EFCAB5: variants seen among roughly 807,000 people sequenced by gnomAD.
The protein encoded by EFCAB5 is EF-hand calcium binding domain 5.
EFCAB5 carries 131 observed loss-of-function variants against 167.9 expected under a neutral mutation model. That is an observed-to-expected ratio of 0.78 (90% CI 0.68 to 0.90). The LOEUF is 0.90. EFCAB5 is among the 40% of genes least tolerant of loss of function. EFCAB5 has a pLI of 0.00. For missense variants in EFCAB5, 1,663 were observed against 1,745.2 expected (o/e 0.95, Z 0.84); for synonymous variants, 574 against 602.8 (o/e 0.95, Z 0.70).
chr17:30,005,287 G>A (rs1392984650), intron 7 of EFCAB5, among the ~76,000 whole-genome samples: 2 of 152,098 alleles, frequency 1.3e-5, no homozygotes, highest in African/African-American at 4.8e-5. Context: ...GCTGCAGTGA[G>A]CTATAATCAA....
At chr17:30,008,836 A>C (rs1750897281) in intron 7 of EFCAB5, among the ~76,000 whole-genome samples, 1 of 152,140 alleles carries the variant, frequency 6.6e-6, no homozygotes, top group Admixed American at 6.5e-5. Context: ...TTGGTTGCTG[A>C]AAACAGCAGA....
chr17:29,960,756 C>T (rs2067705548), intron 3 of EFCAB5, among the ~76,000 whole-genome samples: 1 of 151,948 alleles, frequency 6.6e-6, no homozygotes, highest in South Asian at 2.1e-4. Flanking sequence ...GTATCTGGGC[C>T]CCTGCTTTCA....
intron 7 of EFCAB5, among the ~76,000 whole-genome samples, chr17:30,004,667 C>A (rs2068736923): frequency 6.7e-6 from 1 of 148,674 alleles, no homozygotes; most frequent in African/African-American, 2.5e-5. Context: ...GTCGCCCAGT[C>A]TGGAGTGCAG....
chr17:30,105,466 G>A (rs867130721), intron 22 of EFCAB5, among the ~76,000 whole-genome samples: 4 of 152,072 alleles, frequency 2.6e-5, no homozygotes, highest in Admixed American at 6.6e-5. Context: ...CAGCCTGGGC[G>A]ACAGAGTGAG....
intron 18 of EFCAB5, among the ~76,000 whole-genome samples, chr17:30,084,129 G>T (rs114055956): frequency 6.6e-6 from 1 of 152,178 alleles, no homozygotes; most frequent in African/African-American, 2.4e-5. Context: ...ACTTCCCTCC[G>T]GGCTGCTTCT....
chr17:30,059,934 T>C lies in EFCAB5; in HGVS notation c.2737+233T>C, dbSNP rs139987871. The C allele has an allele frequency of 2.8e-3, 677 of 238,306 alleles. 5 individuals are homozygous for C. Among genetic ancestry groups the C allele is most frequent in the African/African-American group, 0.014 (632 of 44,640 alleles). 14.8% of individuals were successfully genotyped at this position (238,306 alleles called of 1,614,324 possible). On this transcript the variant is annotated intron_variant, in intron 14 of 22. Coordinates refer to ENST00000394835, the MANE Select transcript of EFCAB5 (RefSeq NM_198529.4). Reference sequence around the variant, plus strand: ...AATTCCTGGGATCCAGTGATCCTCCTACCTCAGCCTCCTGAGCAGCTGTGA... The same window carrying C: ...AATTCCTGGGATCCAGTGATCCTCCCACCTCAGCCTCCTGAGCAGCTGTGA...
intron 21 of EFCAB5, 21 bp downstream of exon 21, chr17:30,092,178 C>T (rs1385405204): frequency 6.3e-7 from 1 of 1,592,282 alleles, no homozygotes; most frequent in East Asian, 2.2e-5. Context: ...TTTTAAAAAG[C>T]ACCTTTTAAA....
Position 30,092,913 on chromosome 17 carries a change from A to G in EFCAB5, c.4298A>G (p.Gln1433Arg), listed in dbSNP as rs774655625. 4 of 1,609,948 alleles carry G rather than the reference A, an allele frequency of 2.5e-6. No individual in the cohort carries two copies. The highest frequency in any genetic ancestry group is 1.1e-5 in the South Asian group (1 of 90,294). Reference sequence around the variant, plus strand: ...GCCAAGCATGTGGAAGTTAATGTACAGCTTATTGATGAATATATCAGAGGT... The same window carrying G: ...GCCAAGCATGTGGAAGTTAATGTACGGCTTATTGATGAATATATCAGAGGT... ...PTAKHVEVNVQLIDEYIRDHS... is the reference protein window; with the variant it reads ...PTAKHVEVNVRLIDEYIRDHS... Residue 1433 changes from glutamine to arginine, a missense_variant, in exon 22 of 23, where the codon CAG becomes CGG. Physicochemically the swap from Gln to Arg is conservative, Grantham distance 43. Coordinates refer to ENST00000394835, the MANE Select transcript of EFCAB5 (RefSeq NM_198529.4).
intron 7 of EFCAB5, among the ~76,000 whole-genome samples, chr17:30,029,648 G>A (rs1410270105): frequency 6.6e-6 from 1 of 151,702 alleles, no homozygotes; most frequent in African/African-American, 2.4e-5. Flanking sequence ...TTTCTTCAGT[G>A]ATAGATAACA....
chr17:29,968,358 A>G (rs902529521), intron 3 of EFCAB5: 2 of 452,180 alleles, frequency 4.4e-6, no homozygotes, highest in African/African-American at 4.1e-5. Context: ...TATCCTAGTT[A>G]GGGCAGATGA....
chr17:30,012,889 A>G (rs970347735), intron 7 of EFCAB5, among the ~76,000 whole-genome samples: 1 of 152,172 alleles, frequency 6.6e-6, no homozygotes, highest in Non-Finnish European at 1.5e-5. Context: ...GCCAGTTTTC[A>G]AAGGGAATGC....
In EFCAB5 at chr17:29,993,331, T is replaced by G. The variant is rs761504669; in HGVS notation, c.924+10T>G. 1 of 1,607,998 alleles carries G rather than the reference T, an allele frequency of 6.2e-7. No homozygotes were observed. Among genetic ancestry groups the G allele is most frequent in the Non-Finnish European group, 8.5e-7 (1 of 1,176,614 alleles). ...GATTCCTAAGTCAGTGGTAAGAAAA[T>G]TGGGGGTATATGTGAAAGGTAGGTG... On this transcript the variant is annotated intron_variant, in intron 5 of 22. Coordinates refer to ENST00000394835, the MANE Select transcript of EFCAB5 (RefSeq NM_198529.4).
intron 4 of EFCAB5, among the ~76,000 whole-genome samples, chr17:29,980,206 C>G (rs759610153): frequency 6.6e-5 from 10 of 152,084 alleles, no homozygotes; most frequent in African/African-American, 2.2e-4. Context: ...TACTGAGGAA[C>G]CTTTACTCAG....
At chr17:30,069,669 T>C in intron 14 of EFCAB5, 4 of 1,497,994 alleles carry the variant, frequency 2.7e-6, no homozygotes, top group Non-Finnish European at 2.8e-6. Context: ...AGAGTCTGCA[T>C]GGGCGCTCAC....
At chr17:30,106,854 T>TC (rs2071456023) in intron 22 of EFCAB5, among the ~76,000 whole-genome samples, 1 of 152,196 alleles carries the variant, frequency 6.6e-6, no homozygotes, top group African/African-American at 2.4e-5. Context: ...AGTGGGAGGA[T>TC]CACCTGAGCA....
chr17:29,935,457 G>A (rs982846040), intron 1 of EFCAB5, among the ~76,000 whole-genome samples: 2 of 152,082 alleles, frequency 1.3e-5, no homozygotes, highest in Non-Finnish European at 2.9e-5. Context: ...TACTTAGGGG[G>A]CTGAGGTGGG....
chr17:29,968,347 G>A (rs758808150), intron 3 of EFCAB5: 27 of 454,544 alleles, frequency 5.9e-5, no homozygotes, highest in South Asian at 4.2e-4. Flanking sequence ...GCGTGGGCAT[G>A]TATCCTAGTT....
At chr17:30,106,010 C>T (rs2071445223) in intron 22 of EFCAB5, among the ~76,000 whole-genome samples, 1 of 152,166 alleles carries the variant, frequency 6.6e-6, no homozygotes, top group Admixed American at 6.6e-5. Flanking sequence ...GAATCTTGTT[C>T]CTTTGTGTTG....
At chr17:30,078,129 A>G (rs1353730326) in intron 14 of EFCAB5, 86 bp from the exon 15 acceptor site, 1 of 1,411,670 alleles carries the variant, frequency 7.1e-7, no homozygotes, top group East Asian at 2.4e-5. Flanking sequence ...CCAGGGCTTC[A>G]GTTCATCGTA....
Sources: allele counts gnomAD v4.1 joint callset (sites outside exome capture counted in the v4.1 genomes callset), GRCh38; gene constraint gnomAD v4.1.1; transcripts MANE v1.5; gene names NCBI Gene and HGNC (gene_info 2026-07-23, HGNC 2026-07-21).